Variants in TENM4 observed in about 807,000 individuals in gnomAD.
The protein encoded by TENM4 is teneurin transmembrane protein 4.
Under a neutral mutation model 243.3 loss-of-function variants are expected in TENM4, and 82 were observed. The ratio of observed to expected loss-of-function variants is 0.34; its 90% CI spans 0.28 to 0.40. TENM4 has a LOEUF of 0.40. TENM4 is among the 10% of genes least tolerant of loss of function. The pLI is 1.00. For synonymous variants in TENM4, 1,412 were observed against 1,456.3 expected (o/e 0.97, Z 0.69); for missense variants, 3,138 against 3,673.3 (o/e 0.85, Z 3.77).
chr11:79,125,905 C>T (rs995416739), intron 4 of TENM4, among the ~76,000 whole-genome samples: 3 of 152,176 alleles, frequency 2.0e-5, no homozygotes, highest in African/African-American at 7.2e-5. Context: ...AAGTGCGCTA[C>T]ACTCAAAAAG....
chr11:79,090,762 A>G (rs1163840624), intron 4 of TENM4, among the ~76,000 whole-genome samples: 2 of 152,028 alleles, frequency 1.3e-5, no homozygotes, highest in Admixed American at 6.6e-5. Context: ...GTGGCTCACC[A>G]CTCCATCTCT....
intron 6 of TENM4, among the ~76,000 whole-genome samples, chr11:79,026,046 C>A (rs562036655): frequency 3.3e-5 from 5 of 152,272 alleles, no homozygotes; most frequent in African/African-American, 1.2e-4. Flanking sequence ...TCTCTGTGCT[C>A]CAACGAGGGC....
chr11:79,213,617 A>G (rs112357775), intron 3 of TENM4, among the ~76,000 whole-genome samples: 4,354 of 152,266 alleles, frequency 0.029, 226 homozygotes, highest in African/African-American at 0.098. Flanking sequence ...GAAGGCCCCC[A>G]TGTGGGGATG....
intron 2 of TENM4, among the ~76,000 whole-genome samples, chr11:79,281,747 T>C (rs1856160959): frequency 6.6e-6 from 1 of 152,224 alleles, no homozygotes; most frequent in Admixed American, 6.5e-5. Context: ...CTCATATCAA[T>C]TCTGCCTCTC....
At chr11:79,156,927 T>C (rs931757270) in intron 3 of TENM4, among the ~76,000 whole-genome samples, 1 of 152,162 alleles carries the variant, frequency 6.6e-6, no homozygotes, top group Non-Finnish European at 1.5e-5. Context: ...AGGCTGACAA[T>C]GTGATCAAGT....
chr11:78,756,919 T>C lies in TENM4; in HGVS notation c.2642A>G (p.Glu881Gly). ...CTGCTGTGACACAGGGACCTGTGTC[T>C]CCTGGATGATGTCCAGAGGGTTAGG... ...GSPNPLDIIQ[E>G]TQVPVSQQNL... is the part of the protein sequence containing the mutation. Residue 881 changes from glutamate to glycine, a missense_variant, in exon 19 of 34, where the codon GAG (glutamate) becomes GGG (glycine). Transcript: ENST00000278550. The C allele has an allele frequency of 6.2e-7, 1 of 1,613,910 alleles. No individual in the cohort carries two copies. The highest frequency in any genetic ancestry group is 1.1e-5 in the South Asian group (1 of 91,048).
At chr11:78,957,516 CT>C (rs1383219721) in intron 6 of TENM4, among the ~76,000 whole-genome samples, 2 of 152,150 alleles carry the variant, frequency 1.3e-5, no homozygotes, top group African/African-American at 2.4e-5. Context: ...TAAGAAAACA[CT>C]TTTAGAAGGA....
At chr11:78,851,372 G>A (rs899284518) in intron 12 of TENM4, among the ~76,000 whole-genome samples, 35 of 152,178 alleles carry the variant, frequency 2.3e-4, no homozygotes, top group African/African-American at 1.7e-4. Context: ...AAAGAAGACC[G>A]TCTCCCTAAT....
chr11:79,270,807 G>A (rs1054330703), intron 2 of TENM4, among the ~76,000 whole-genome samples: 12 of 152,186 alleles, frequency 7.9e-5, no homozygotes, highest in Non-Finnish European at 1.8e-4. Flanking sequence ...AATTTGCAGG[G>A]CAGTTACTCA....
chr11:79,013,136 C>T (rs924261011), intron 6 of TENM4, among the ~76,000 whole-genome samples: 1 of 152,188 alleles, frequency 6.6e-6, no homozygotes, highest in African/African-American at 2.4e-5. Flanking sequence ...GTGCCTCTTT[C>T]AGACATTCGG....
intron 2 of TENM4, among the ~76,000 whole-genome samples, chr11:79,264,016 T>C (rs1454727728): frequency 6.6e-6 from 1 of 152,236 alleles, no homozygotes. Flanking sequence ...CACTTTGATC[T>C]AGAGTCAACT....
At chr11:78,857,845 C>T (rs1858715364) in intron 10 of TENM4, among the ~76,000 whole-genome samples, 1 of 152,192 alleles carries the variant, frequency 6.6e-6, no homozygotes, top group South Asian at 2.1e-4. Context: ...TTTTTGGGTT[C>T]CCAATACCAC....
intron 1 of TENM4, among the ~76,000 whole-genome samples, chr11:79,429,301 G>C (rs937727420): frequency 5.3e-5 from 8 of 152,084 alleles, no homozygotes; most frequent in African/African-American, 1.9e-4. Context: ...GACTCCTATA[G>C]AACCTCCCTC....
intron 9 of TENM4, among the ~76,000 whole-genome samples, chr11:78,876,470 G>T (rs1221788725): frequency 6.6e-6 from 1 of 152,140 alleles, no homozygotes; most frequent in Non-Finnish European, 1.5e-5. Flanking sequence ...CTCTACCTTT[G>T]CTTAGGCTGT....
At chr11:78,931,924 T>TTGAGGCTG (rs1267782975) in intron 6 of TENM4, among the ~76,000 whole-genome samples, 1 of 152,214 alleles carries the variant, frequency 6.6e-6, no homozygotes, top group Admixed American at 6.5e-5. Flanking sequence ...GCCTACGAAT[T>TTGAGGCTG]TGAGGCTGCA....
intron 6 of TENM4, among the ~76,000 whole-genome samples, chr11:78,957,730 A>G (rs1857237373): frequency 6.6e-6 from 1 of 152,196 alleles, no homozygotes; most frequent in South Asian, 2.1e-4. Context: ...AGACCCATGG[A>G]CGGCCCAGCA....
At chr11:78,995,497 C>T (rs538152794) in intron 6 of TENM4, among the ~76,000 whole-genome samples, 1 of 152,032 alleles carries the variant, frequency 6.6e-6, no homozygotes, top group South Asian at 2.1e-4. Flanking sequence ...TTTGAAGGAC[C>T]CTTTCATAAG....
chr11:79,155,630 C>G (rs1389701941), intron 3 of TENM4, among the ~76,000 whole-genome samples: 13 of 139,590 alleles, frequency 9.3e-5, no homozygotes, highest in Non-Finnish European at 1.6e-4. Context: ...CCCTCCCTCC[C>G]TTCCATCCTT....
At chr11:79,036,286 C>A (rs898877400) in intron 6 of TENM4, among the ~76,000 whole-genome samples, 1 of 152,346 alleles carries the variant, frequency 6.6e-6, no homozygotes, top group Admixed American at 6.5e-5. Context: ...ATAAACTCCA[C>A]GATGAGTGTT....
Sources: gnomAD v4.1 joint callset for allele counts (sites outside exome capture counted in the v4.1 genomes callset) on GRCh38, gnomAD v4.1.1 for gene constraint, MANE v1.5 for transcripts, NCBI Gene and HGNC (gene_info 2026-07-23, HGNC 2026-07-21) for gene names.